Variants in SYNE1 observed in about 807,000 individuals in gnomAD.
The protein encoded by SYNE1 is nesprin-1.
Under a neutral mutation model 1,111.0 loss-of-function variants are expected in SYNE1, and 616 were observed. The observed-to-expected ratio is 0.55, with a 90% CI of 0.52 to 0.59. SYNE1 has a LOEUF of 0.59. Among genes scored for constraint, SYNE1 ranks in the 20% least tolerant of loss-of-function variants. The pLI, the probability that SYNE1 is intolerant of heterozygous loss-of-function variation, is 0.00. For synonymous variants in SYNE1, 3,855 were observed against 3,825.8 expected (o/e 1.01, Z -0.28); for missense variants, 10,006 against 10,417.0 (o/e 0.96, Z 1.72).
chr6:152,284,782 A>C (rs1187378700), intron 95 of SYNE1, among the ~76,000 whole-genome samples: 1 of 151,982 alleles, frequency 6.6e-6, no homozygotes, highest in Non-Finnish European at 1.5e-5. Context: ...CGTTGAAAAT[A>C]AAATGTATTA....
At chr6:152,165,060 T>C (rs1056525606) in intron 130 of SYNE1, among the ~76,000 whole-genome samples, 6 of 147,094 alleles carry the variant, frequency 4.1e-5, no homozygotes, top group African/African-American at 1.5e-4. Flanking sequence ...CTTAGAGTCA[T>C]CAGATATTCG....
chr6:152,417,270 G>A (rs957115078), intron 40 of SYNE1, among the ~76,000 whole-genome samples: 1 of 152,160 alleles, frequency 6.6e-6, no homozygotes, highest in South Asian at 2.1e-4. Flanking sequence ...AGGCCAAGGC[G>A]GGCAGATCAC....
intron 4 of SYNE1, among the ~76,000 whole-genome samples, chr6:152,527,264 A>G (rs2099167931): frequency 6.6e-6 from 1 of 152,216 alleles, no homozygotes; most frequent in Non-Finnish European, 1.5e-5. Context: ...TATTTCTCTT[A>G]CAACTGCATG....
intron 14 of SYNE1, among the ~76,000 whole-genome samples, chr6:152,478,819 T>C (rs947408579): frequency 6.6e-6 from 1 of 152,036 alleles, no homozygotes. Flanking sequence ...GGGGGTGTGT[T>C]TTTTTCCAGC....
chr6:152,231,790 G>GTGTA (rs1239444313), intron 113 of SYNE1, among the ~76,000 whole-genome samples: 2 of 129,522 alleles, frequency 1.5e-5, no homozygotes, highest in Admixed American at 1.6e-4. Context: ...GTGTATGTGT[G>GTGTA]TGTGTGTGTG....
intron 14 of SYNE1, chr6:152,480,723 G>A (rs1360656223): frequency 2.2e-6 from 1 of 456,034 alleles, no homozygotes. Context: ...CTTGAACCTG[G>A]CCTGAGCCCC....
chr6:152,305,033 C>T (rs2095328442), intron 91 of SYNE1, among the ~76,000 whole-genome samples: 1 of 152,094 alleles, frequency 6.6e-6, no homozygotes. Flanking sequence ...AAATGGAACA[C>T]TTGGTTTAAT....
At chr6:152,502,529 T>C (rs1316874441) in intron 10 of SYNE1, 104 bp downstream of exon 10, 1 of 867,936 alleles carries the variant, frequency 1.2e-6, no homozygotes, top group African/African-American at 1.7e-5. Flanking sequence ...GTTGGTCTCA[T>C]ATTAAAATGC....
chr6:152,315,902 C>T (rs1024755676), intron 87 of SYNE1: 2 of 152,056 alleles, frequency 1.3e-5, no homozygotes, highest in African/African-American at 4.8e-5. Flanking sequence ...AAAAATGAGG[C>T]TTTGATCTAG....
chr6:152,269,325 C>T (rs886674717), intron 98 of SYNE1, 39 bp from the exon 99 acceptor site: 36 of 1,613,348 alleles, frequency 2.2e-5, no homozygotes, highest in Non-Finnish European at 3.0e-5. Context: ...ATGCTACACA[C>T]CGGAAAACCT....
intron 64 of SYNE1, among the ~76,000 whole-genome samples, chr6:152,361,459 G>A (rs1162277457): frequency 2.6e-5 from 4 of 152,234 alleles, no homozygotes; most frequent in African/African-American, 4.8e-5. Flanking sequence ...GGATGGATCA[G>A]TAGGACCTAG....
chr6:152,570,195 G>C (rs576928383), intron 3 of SYNE1, among the ~76,000 whole-genome samples: 36 of 152,180 alleles, frequency 2.4e-4, no homozygotes, highest in Non-Finnish European at 3.8e-4. Flanking sequence ...ATTTTCTGTT[G>C]CTCCTATGTT....
intron 102 of SYNE1, 115 bp from the exon 103 acceptor site, chr6:152,255,861 C>A: frequency 8.3e-7 from 1 of 1,209,448 alleles, no homozygotes; most frequent in Non-Finnish European, 1.2e-6. Context: ...ACTTTGGTAG[C>A]CCAAAGCAGA....
Position 152,373,146 on chromosome 6 carries a change from G to T in SYNE1, c.9398C>A (p.Thr3133Asn), listed in dbSNP as rs759477336. Residue 3133 changes from threonine to asparagine, a missense_variant, in exon 59 of 146, where the codon ACC becomes AAC. Physicochemically the swap from Thr to Asn is moderately conservative, Grantham distance 65 (BLOSUM62 0). This residue lies in a region of SYNE1 where 4,955 missense variants were observed against 5,017.2 expected (regional missense o/e 0.99). Coordinates refer to ENST00000367255, the MANE Select transcript of SYNE1 (RefSeq NM_182961.4). Reference protein sequence around the residue: ...MMLSKGELLSTLLTKEKAKGI... With the variant: ...MMLSKGELLSNLLTKEKAKGI... ...TTTCGCTTTCTCTTTGGTCAGCAGG[G>T]TACTCAGAAGTTCCCCTTTAGACAG... is the stretch of plus-strand genomic sequence containing the variant. The T allele has an allele frequency of 1.2e-6, 2 of 1,613,964 alleles. No individual in the cohort carries two copies. Among genetic ancestry groups the T allele is most frequent in the East Asian group, 2.2e-5 (1 of 44,880 alleles).
At chr6:152,409,338 G>A (rs912910832) in intron 43 of SYNE1, 112 bp from the exon 44 acceptor site, 3 of 1,144,652 alleles carry the variant, frequency 2.6e-6, no homozygotes, top group Non-Finnish European at 3.8e-6. Flanking sequence ...AGAAATTAGT[G>A]ATAGTGAGAT....
intron 39 of SYNE1, among the ~76,000 whole-genome samples, chr6:152,420,859 C>A (rs1247825181): frequency 2.0e-5 from 3 of 152,158 alleles, no homozygotes; most frequent in Non-Finnish European, 4.4e-5. Context: ...AACTACACTT[C>A]TGTGAGCAAA....
chr6:152,131,973 T>G, intron 144 of SYNE1, 149 bp downstream of exon 144: 1 of 648,760 alleles, frequency 1.5e-6, no homozygotes. Flanking sequence ...TGGGAGGGGA[T>G]GTGGCAGGGC....
In SYNE1 at chr6:152,213,729, C is replaced by G; in HGVS notation, c.22377G>C (p.Gln7459His). 1 of 1,614,052 alleles carries G rather than the reference C, an allele frequency of 6.2e-7. No individual in the cohort carries two copies. Among genetic ancestry groups the G allele is most frequent in the Non-Finnish European group, 8.5e-7 (1 of 1,180,004 alleles). Residue 7459 changes from glutamine to histidine, a missense_variant, in exon 123 of 146, where the codon CAG (glutamine) becomes CAC (histidine). Physicochemically the swap from Gln to His is conservative, Grantham distance 24 (BLOSUM62 0). Transcript: ENST00000367255. Reference protein sequence around the residue: ...SKLQSFLLQHQTFLEKCETWM... With the variant: ...SKLQSFLLQHHTFLEKCETWM... ...ATGTTTCACATTTTTCCAAGAAAGT[C>G]TGATGTTGTAGCAAAAATGACTGCA...
chr6:152,602,592 C>T lies in SYNE1; in HGVS notation c.67+25673G>A, dbSNP rs566488349. On this transcript the variant is annotated intron_variant, in intron 3 of 145. Coordinates refer to ENST00000367255, the MANE Select transcript of SYNE1 (RefSeq NM_182961.4). The stretch of plus-strand genomic sequence containing the variant: ...TGAAGGTGATGTTAATTAGTACTTT[C>T]CACAGGCCCATGTTACTCAATTCTT... 5.9e-5 allele frequency among the ~76,000 whole-genome samples: 9 copies of T among 152,332 alleles called. No individual in the cohort carries two copies. The South Asian group carries it at 1.7e-3, about 28-fold the overall frequency.
Sources: allele counts gnomAD v4.1 joint callset (sites outside exome capture counted in the v4.1 genomes callset), GRCh38; gene constraint gnomAD v4.1.1; regional missense constraint gnomAD v4.1.1; transcripts MANE v1.5; gene names NCBI Gene and HGNC (gene_info 2026-07-23, HGNC 2026-07-21).